The following TXNRD1 variants were observed in gnomAD, a reference collection of about 807,000 sequenced individuals.
The protein encoded by TXNRD1 is thioredoxin reductase 1.
In TXNRD1, 57 loss-of-function variants were observed where a neutral mutation model predicts 80.3. That is an observed-to-expected ratio of 0.71 (90% CI 0.57 to 0.89). The LOEUF (loss-of-function observed/expected upper bound fraction) is 0.89, where lower values mean the gene tolerates loss of function less well. TXNRD1 is among the 40% of genes least tolerant of loss of function. The probability of loss-of-function intolerance (pLI) is 0.00; values close to 1 mark genes in which losing one functional copy is unlikely to be tolerated. For synonymous variants in TXNRD1, 291 were observed against 285.2 expected, an observed-to-expected ratio of 1.02 and a Z score of -0.20; for missense variants, 730 against 803.0, an observed-to-expected ratio of 0.91 and a Z score of 1.10.
At chr12:104,273,515 C>T (rs1049117417) in intron 3 of TXNRD1, among the ~76,000 whole-genome samples, 1 of 152,004 alleles carries the variant, frequency 6.6e-6, no homozygotes, top group Non-Finnish European at 1.5e-5. Flanking sequence ...ATCGCTTGAA[C>T]CCAGGAGGCA....
intron 1 of TXNRD1, among the ~76,000 whole-genome samples, chr12:104,246,093 C>A (rs1188870225): frequency 2.7e-5 from 3 of 109,202 alleles, no homozygotes; most frequent in Non-Finnish European, 5.3e-5. Flanking sequence ...AGCCTGGAGC[C>A]TGGGCGATAC....
At position 104,349,644 on chromosome 12, in the gene TXNRD1, A is replaced by G. The variant is rs1244884771; in HGVS notation, c.*1223A>G. On this transcript the variant is annotated 3_prime_UTR_variant, in exon 17 of 17. Transcript: ENST00000525566. ...ATAAAGAGGTATTAATGCCTCAGTT[A>G]TGTGTTTGTCAATGTACTGGCTGAG... 1 of 152,554 alleles carries G rather than the reference A, an allele frequency of 6.6e-6. No individual in the cohort carries two copies. The highest frequency in any genetic ancestry group is 1.5e-5 in the Non-Finnish European group (1 of 68,042). The allele number at this position is 152,554 out of a possible 1,614,324, so 9.5% of individuals were successfully genotyped here.
At chr12:104,295,310 G>A (rs1438938772) in intron 4 of TXNRD1, among the ~76,000 whole-genome samples, 1 of 152,096 alleles carries the variant, frequency 6.6e-6, no homozygotes, top group Non-Finnish European at 1.5e-5. Flanking sequence ...ACTCACCAGC[G>A]CCTGACTATT....
intron 16 of TXNRD1, among the ~76,000 whole-genome samples, chr12:104,340,574 C>T (rs2036288280): frequency 6.6e-6 from 1 of 152,170 alleles, no homozygotes; most frequent in Non-Finnish European, 1.5e-5. Context: ...GTAGCAATGG[C>T]AATCCTTGGC....
chr12:104,260,386 G>A (rs2033340977), intron 3 of TXNRD1, among the ~76,000 whole-genome samples: 1 of 152,180 alleles, frequency 6.6e-6, no homozygotes, highest in South Asian at 2.1e-4. Flanking sequence ...AGAATTGCTT[G>A]GACCCGGGAG....
intron 3 of TXNRD1, chr12:104,286,752 C>T (rs1593751742): frequency 9.8e-7 from 1 of 1,021,286 alleles, no homozygotes; most frequent in Non-Finnish European, 1.2e-6. Context: ...CTAATTTCTT[C>T]AGTAAAAACA....
intron 3 of TXNRD1, chr12:104,287,145 C>A: frequency 2.0e-6 from 3 of 1,532,760 alleles, no homozygotes; most frequent in Admixed American, 4.1e-5. Context: ...GACAAAGCCG[C>A]GAGCCCAGGG....
chr12:104,281,475 C>G (rs1443071479), intron 3 of TXNRD1, among the ~76,000 whole-genome samples: 1 of 141,204 alleles, frequency 7.1e-6, no homozygotes, highest in Non-Finnish European at 1.5e-5. Context: ...GGTGGGATCT[C>G]GGCTCACTGC....
At chr12:104,327,406 G>A in intron 12 of TXNRD1, 109 bp from the exon 13 acceptor site, 8 of 1,048,116 alleles carry the variant, frequency 7.6e-6, no homozygotes, top group Non-Finnish European at 1.1e-5. Flanking sequence ...TTAGAACATT[G>A]CCCTCAGCTA....
At chr12:104,216,757 T>C (rs2032224101) in intron 1 of TXNRD1, among the ~76,000 whole-genome samples, 1 of 152,254 alleles carries the variant, frequency 6.6e-6, no homozygotes, top group Non-Finnish European at 1.5e-5. Context: ...CTGGTCATAG[T>C]CATATGGCCG....
At chr12:104,268,422 G>A (rs1266421073) in intron 3 of TXNRD1, among the ~76,000 whole-genome samples, 3 of 151,624 alleles carry the variant, frequency 2.0e-5, no homozygotes, top group African/African-American at 7.2e-5. Flanking sequence ...CTACTCCGGA[G>A]GGTGAGGCAG....
At chr12:104,295,695 C>T (rs73396443) in intron 4 of TXNRD1, among the ~76,000 whole-genome samples, 1,970 of 152,280 alleles carry the variant, frequency 0.013, 46 homozygotes, top group African/African-American at 0.045. Flanking sequence ...ACTGCCTACC[C>T]GTTCAGAATA....
At chr12:104,345,943 T>G in intron 16 of TXNRD1, 1 of 1,288,012 alleles carries the variant, frequency 7.8e-7, no homozygotes, top group Non-Finnish European at 1.0e-6. Context: ...TTCTGCTCAT[T>G]TTTTAAAAAT....
At position 104,273,530 on chromosome 12, in the gene TXNRD1, T is replaced by C. The variant is rs548584364; in HGVS notation, c.305-15401T>C. Among the ~76,000 whole-genome samples, 8 of 151,140 alleles carry C rather than the reference T, an allele frequency of 5.3e-5. No individual in the cohort carries two copies. The South Asian group carries it at 1.7e-3, about 32-fold the overall frequency. On this transcript the variant is annotated intron_variant, in intron 3 of 16. Transcript: ENST00000525566. ...ATCGCTTGAACCCAGGAGGCAGAGGTTGTGGTGAGCCGAGATTGCGTCACT... is the reference window on the plus strand; with the variant it reads ...ATCGCTTGAACCCAGGAGGCAGAGGCTGTGGTGAGCCGAGATTGCGTCACT...
intron 3 of TXNRD1, chr12:104,287,205 C>T: frequency 1.9e-6 from 3 of 1,598,080 alleles, no homozygotes; most frequent in African/African-American, 1.3e-5. Context: ...AGCATTGCGC[C>T]TGGGTGCAGC....
intron 3 of TXNRD1, among the ~76,000 whole-genome samples, chr12:104,275,256 C>G (rs980978679): frequency 1.3e-5 from 2 of 149,984 alleles, no homozygotes; most frequent in African/African-American, 2.5e-5. Flanking sequence ...CCAGCCTGGG[C>G]AACAAGAGCC....
At chr12:104,344,216 G>A (rs549135584) in intron 16 of TXNRD1, among the ~76,000 whole-genome samples, 7 of 152,330 alleles carry the variant, frequency 4.6e-5, no homozygotes, top group East Asian at 1.9e-4. Flanking sequence ...AGCTGCACCT[G>A]TTAGCTGTTT....
intron 1 of TXNRD1, among the ~76,000 whole-genome samples, chr12:104,231,296 G>T (rs1246606452): frequency 6.6e-6 from 1 of 152,112 alleles, no homozygotes; most frequent in African/African-American, 2.4e-5. Flanking sequence ...GTGTCGAATG[G>T]GGAACAGCAG....
chr12:104,223,262 A>C (rs761725014), intron 1 of TXNRD1, among the ~76,000 whole-genome samples: 2 of 152,322 alleles, frequency 1.3e-5, no homozygotes, highest in South Asian at 2.1e-4. Context: ...AAAATGTTTA[A>C]AACAACTGTG....
Sources: allele counts gnomAD v4.1 joint callset (sites outside exome capture counted in the v4.1 genomes callset), GRCh38; gene constraint gnomAD v4.1.1; transcripts MANE v1.5; gene names NCBI Gene and HGNC (gene_info 2026-07-23, HGNC 2026-07-21).